The following PCDHGA11 variants were observed in gnomAD, a reference collection of about 807,000 sequenced individuals.
The protein encoded by PCDHGA11 is protocadherin gamma-A11.
In PCDHGA11, 39 loss-of-function variants were observed where a neutral mutation model predicts 60.4. The ratio of observed to expected loss-of-function variants is 0.65; its 90% confidence interval spans 0.50 to 0.84. The LOEUF (loss-of-function observed/expected upper bound fraction) is 0.84, where lower values mean the gene tolerates loss of function less well. Among genes scored for constraint, PCDHGA11 ranks in the 40% least tolerant of loss-of-function variants. The probability of loss-of-function intolerance (pLI) is 0.00; values close to 1 mark genes in which losing one functional copy is unlikely to be tolerated. For missense variants in PCDHGA11, 1,165 were observed against 1,197.7 expected (o/e 0.97, Z 0.40); for synonymous variants, 533 against 510.3 (o/e 1.04, Z -0.60).
In PCDHGA11 at chr5:141,486,649, C is replaced by G; in HGVS notation, c.2434-8158C>G. On this transcript the variant is annotated intron_variant, in intron 1 of 3. Transcript: ENST00000398587. This position sits in a 1 kb window ranked among gnomAD's most constrained non-coding sequence, Gnocchi z 5.0. The stretch of plus-strand genomic sequence containing the variant: ...CTGGCTTGAATGCGCTTATCTCCTA[C>G]TCACTCCTGGAGCCCAGGAATCGAG... The G allele has an allele frequency of 6.2e-7, 1 of 1,613,952 alleles. No individual in the cohort carries two copies. The highest frequency in any genetic ancestry group is 8.5e-7 in the Non-Finnish European group (1 of 1,180,034).
intron 1 of PCDHGA11, among the ~76,000 whole-genome samples, chr5:141,436,557 A>G (rs1224841336): frequency 6.6e-6 from 1 of 152,218 alleles, no homozygotes; most frequent in Non-Finnish European, 1.5e-5. Flanking sequence ...GAGCTTCAGC[A>G]AAGTAGGAAT....
intron 3 of PCDHGA11, among the ~76,000 whole-genome samples, chr5:141,510,194 G>T (rs920127442): frequency 6.6e-6 from 1 of 151,462 alleles, no homozygotes. Context: ...AATCACTTGA[G>T]CCCAGGAGGC....
At chr5:141,466,019 G>C (rs1466918487) in intron 1 of PCDHGA11, among the ~76,000 whole-genome samples, 1 of 152,062 alleles carries the variant, frequency 6.6e-6, no homozygotes, top group African/African-American at 2.4e-5. Flanking sequence ...CTACTCGGGA[G>C]GGTGAGGCAG....
chr5:141,469,103 C>A (rs949254605), intron 1 of PCDHGA11, among the ~76,000 whole-genome samples: 2 of 151,844 alleles, frequency 1.3e-5, no homozygotes, highest in African/African-American at 2.4e-5. Context: ...AAAGCAAGAA[C>A]CTGTCTCTAA....
intron 1 of PCDHGA11, among the ~76,000 whole-genome samples, chr5:141,438,872 G>T (rs13178044): frequency 0.11 from 16,734 of 151,118 alleles, 1,094 homozygotes; most frequent in African/African-American, 0.17. Flanking sequence ...CATCAAGTTG[G>T]CCAGGCTGCT....
intron 1 of PCDHGA11, 96 bp from the exon 2 acceptor site, chr5:141,494,711 A>T (rs757105958): frequency 6.3e-7 from 1 of 1,599,616 alleles, no homozygotes; most frequent in Non-Finnish European, 8.5e-7. Context: ...CTCTGTGCCC[A>T]CTCCCCTCCT....
chr5:141,477,719 T>C lies in PCDHGA11; in HGVS notation c.2434-17088T>C. 6.2e-7 allele frequency: 1 copy of C among 1,613,876 alleles called. No individual in the cohort carries two copies. Among genetic ancestry groups the C allele is most frequent in the Non-Finnish European group, 8.5e-7 (1 of 1,180,028 alleles). ...CTATGAGGATCGGCGGGAATTTGAA[T>C]TAACAGCTCATATCAGCGATGGGGG... On this transcript the variant is annotated intron_variant, in intron 1 of 3. Transcript: ENST00000398587. The surrounding 1 kb of genome is among the most constrained non-coding windows in gnomAD (Gnocchi z 4.9).
intron 1 of PCDHGA11, among the ~76,000 whole-genome samples, chr5:141,429,654 T>C (rs1373502548): frequency 6.6e-6 from 1 of 152,232 alleles, no homozygotes; most frequent in Non-Finnish European, 1.5e-5. Context: ...TTCTTCCCAA[T>C]TTAAAATATA....
chr5:141,468,093 G>C (rs1319825848), intron 1 of PCDHGA11, among the ~76,000 whole-genome samples: 2 of 152,112 alleles, frequency 1.3e-5, no homozygotes, highest in Non-Finnish European at 2.9e-5. Flanking sequence ...GGGAGGTTGA[G>C]GCAGGCAGAT....
At chr5:141,435,730 T>C (rs913229799) in intron 1 of PCDHGA11, among the ~76,000 whole-genome samples, 1 of 152,226 alleles carries the variant, frequency 6.6e-6, no homozygotes, top group African/African-American at 2.4e-5. Context: ...TAAAGTGTAT[T>C]ACTCTTTGAA....
chr5:141,512,241 G>A lies in PCDHGA11; in HGVS notation c.*1068G>A, dbSNP rs533051658. On this transcript the variant is annotated 3_prime_UTR_variant, in exon 4 of 4. Coordinates refer to ENST00000398587, the MANE Select transcript of PCDHGA11 (RefSeq NM_018914.3). ...CCAGGTCCCCTTGAGAGGTCAGAGGGGCCTCTGTGGGTGCTGGGTACTCCA... is the reference window on the plus strand; with the variant it reads ...CCAGGTCCCCTTGAGAGGTCAGAGGAGCCTCTGTGGGTGCTGGGTACTCCA... 1 of 152,866 alleles carries A rather than the reference G, an allele frequency of 6.5e-6. No individual in the cohort carries two copies. The highest frequency in any genetic ancestry group is 2.1e-4 in the South Asian group (1 of 4,824). 9.5% of individuals were successfully genotyped at this position (152,866 alleles called of 1,614,324 possible).
chr5:141,494,729 C>T (rs2099756368), intron 1 of PCDHGA11, 78 bp from the exon 2 acceptor site: 31 of 1,610,050 alleles, frequency 1.9e-5, no homozygotes, highest in Admixed American at 3.3e-5. Flanking sequence ...CCTTCTCTCC[C>T]GGCCCATCCC....
At chr5:141,464,312 C>T (rs2099081610) in intron 1 of PCDHGA11, among the ~76,000 whole-genome samples, 1 of 149,056 alleles carries the variant, frequency 6.7e-6, no homozygotes, top group South Asian at 2.1e-4. Flanking sequence ...GTGCACATAT[C>T]ATTATCTGTT....
chr5:141,500,189 TTTA>T (rs780229863), intron 2 of PCDHGA11, among the ~76,000 whole-genome samples: 5,656 of 110,928 alleles, frequency 0.051, 122 homozygotes, highest in Middle Eastern at 0.14. Context: ...TTTATTTTTA[TTTA>T]TTTATTTATT....
Position 141,423,177 on chromosome 5 carries a change from C to T in PCDHGA11, c.1950C>T (p.His650=), listed in dbSNP as rs748689237. 1.9e-6 allele frequency: 3 copies of T among 1,613,430 alleles called. No individual in the cohort carries two copies. Among genetic ancestry groups the T allele is most frequent in the Non-Finnish European group, 2.5e-6 (3 of 1,179,960 alleles). Residue 650 remains histidine (H), a synonymous_variant, in exon 1 of 4, where the codon CAC becomes CAT. Coordinates refer to ENST00000398587, the MANE Select transcript of PCDHGA11 (RefSeq NM_018914.3). ...KQSLVVAVQD[H]GQPPLSATVT... is the part of the protein sequence containing the mutation. ...GCCTCGTGGTGGCCGTCCAGGACCA[C>T]GGCCAGCCCCCTCTCTCGGCCACCG...
intron 1 of PCDHGA11, among the ~76,000 whole-genome samples, chr5:141,454,918 C>T (rs1474616925): frequency 6.7e-6 from 1 of 149,344 alleles, no homozygotes; most frequent in Non-Finnish European, 1.5e-5. Context: ...CGCCATTCTC[C>T]TGCCTCAGCC....
Position 141,505,475 on chromosome 5 carries a change from G to A in PCDHGA11, c.2575G>A (p.Ala859Thr), listed in dbSNP as rs769108315. The A allele has an allele frequency of 2.2e-5, 35 of 1,614,098 alleles. No homozygotes were observed. Among genetic ancestry groups the A allele is most frequent in the South Asian group, 5.5e-5 (5 of 91,090 alleles). ...GCTGCAAGCCATGATCTTGGCGTCC[G>A]CCAGTGGTAAGTGGTGTCAGTGTGT... ...EMLQAMILAS[A>T]SEAADGSSTL... The change falls in exon 3 of 4, where the codon GCC becomes ACC. Residue 859 changes from alanine to threonine, a missense_variant. Physicochemically the swap from Ala to Thr is moderately conservative, Grantham distance 58. Transcript: ENST00000398587.
chr5:141,468,832 C>G (rs530307522), intron 1 of PCDHGA11, among the ~76,000 whole-genome samples: 1 of 152,164 alleles, frequency 6.6e-6, no homozygotes, highest in South Asian at 2.1e-4. Flanking sequence ...AGCCACTGCA[C>G]TCCAGCCTGG....
Position 141,421,218 on chromosome 5 carries a change from A to G in PCDHGA11, c.-10A>G, listed in dbSNP as rs969154252. On this transcript the variant is annotated 5_prime_UTR_variant, in exon 1 of 4. Coordinates refer to ENST00000398587, the MANE Select transcript of PCDHGA11 (RefSeq NM_018914.3). ...TCGAGAAACCGCGGAATATCGGCTT[A>G]GAGCCTGCCATGGCGAATCGGCTAC... 1 of 1,570,664 alleles carries G rather than the reference A, an allele frequency of 6.4e-7. No individual in the cohort carries two copies. Among genetic ancestry groups the G allele is most frequent in the Admixed American group, 1.9e-5 (1 of 53,108 alleles).
Sources: gnomAD v4.1 joint callset for allele counts (sites outside exome capture counted in the v4.1 genomes callset) on GRCh38, gnomAD v4.1.1 for gene constraint, Gnocchi (gnomAD v3.1) non-coding constraint, MANE v1.5 for transcripts, NCBI Gene and HGNC (gene_info 2026-07-23, HGNC 2026-07-21) for gene names.